LRP1B: variants seen among roughly 807,000 people sequenced by gnomAD.
LRP1B encodes the protein LDL receptor related protein 1B.
Under a neutral mutation model 556.6 loss-of-function variants are expected in LRP1B, and 217 were observed. The ratio of observed to expected loss-of-function variants is 0.39; its 90% CI spans 0.35 to 0.44. The LOEUF is 0.44. Among genes scored for constraint, LRP1B ranks in the 20% least tolerant of loss-of-function variants. LRP1B has a pLI of 1.00. For synonymous variants in LRP1B, 2,047 were observed against 1,865.8 expected, an observed-to-expected ratio of 1.10 and a Z score of -2.50; for missense variants, 5,053 against 5,620.8, an observed-to-expected ratio of 0.90 and a Z score of 3.23.
At chr2:141,544,829 C>G (rs557944019) in intron 2 of LRP1B, among the ~76,000 whole-genome samples, 1 of 151,950 alleles carries the variant, frequency 6.6e-6, no homozygotes, top group South Asian at 2.1e-4. Context: ...CCACTCCCAG[C>G]TAATTTTTGT....
chr2:141,745,111 C>G (rs1417575003), intron 2 of LRP1B, among the ~76,000 whole-genome samples: 1 of 152,132 alleles, frequency 6.6e-6, no homozygotes, highest in East Asian at 1.9e-4. Flanking sequence ...CTGTGACCAC[C>G]ACTAATGAGA....
intron 2 of LRP1B, among the ~76,000 whole-genome samples, chr2:141,681,356 T>A (rs355555): frequency 0.42 from 60,557 of 144,128 alleles, 12,809 homozygotes; most frequent in East Asian, 0.57. Context: ...AAAAAAAAAA[T>A]TCAAGGTAAG....
chr2:141,583,179 T>C (rs1007029715), intron 2 of LRP1B, among the ~76,000 whole-genome samples: 22 of 152,114 alleles, frequency 1.4e-4, no homozygotes, highest in Non-Finnish European at 4.4e-5. Context: ...GAACTTCTAA[T>C]GTCAAACAGT....
chr2:141,956,791 A>C (rs1701266496), intron 1 of LRP1B, among the ~76,000 whole-genome samples: 3 of 152,092 alleles, frequency 2.0e-5, no homozygotes, highest in Admixed American at 1.3e-4. Flanking sequence ...AATATTGTCC[A>C]AAGAATGAGT....
At chr2:141,447,065 G>T (rs1206073664) in intron 3 of LRP1B, among the ~76,000 whole-genome samples, 1 of 151,770 alleles carries the variant, frequency 6.6e-6, no homozygotes, top group East Asian at 1.9e-4. Context: ...ATGTAGGTTT[G>T]GTCTTTTCAC....
intron 2 of LRP1B, among the ~76,000 whole-genome samples, chr2:141,495,116 T>C (rs1054864774): frequency 6.6e-6 from 1 of 151,982 alleles, no homozygotes; most frequent in Non-Finnish European, 1.5e-5. Context: ...GGTAGAAACA[T>C]AAATGAAACT....
chr2:140,702,598 G>C (rs1360278631), intron 37 of LRP1B, 45 bp from the exon 38 acceptor site: 1 of 1,581,342 alleles, frequency 6.3e-7, no homozygotes, highest in Non-Finnish European at 8.7e-7. Flanking sequence ...ACATTTATTT[G>C]TAGTATGCAG....
intron 1 of LRP1B, among the ~76,000 whole-genome samples, chr2:142,054,161 T>C (rs1704572798): frequency 6.6e-6 from 1 of 152,130 alleles, no homozygotes; most frequent in Non-Finnish European, 1.5e-5. Flanking sequence ...AACAATATTA[T>C]TTTCACAAGA....
rs753869074 is a variant in LRP1B, at chr2:140,364,718, C to A, written c.11074G>T (p.Val3692Leu). 3.7e-6 allele frequency: 6 copies of A among 1,610,244 alleles called. No homozygotes were observed. The highest frequency in any genetic ancestry group is 5.1e-6 in the Non-Finnish European group (6 of 1,177,424). ...NNSLCKLHFW[V>L]CDGEDDCGDN... ...CCACAGTCGTCCTCTCCATCACACACCCAGAAATGTAGTTTGCAGAGAGAA... is the reference window on the plus strand; with the variant it reads ...CCACAGTCGTCCTCTCCATCACACAACCAGAAATGTAGTTTGCAGAGAGAA... Residue 3692 changes from valine (V) to leucine (L), a missense_variant, in exon 72 of 91, where the codon GTG becomes TTG. By Grantham distance (32) the Val-to-Leu change is conservative (BLOSUM62 1). Around this residue, in one of 5 missense-constraint regions of LRP1B, gnomAD observed 599 missense variants for 648.4 expected, o/e 0.92. Coordinates refer to ENST00000389484, the MANE Select transcript of LRP1B (RefSeq NM_018557.3).
intron 2 of LRP1B, among the ~76,000 whole-genome samples, chr2:141,594,487 T>C (rs1055992591): frequency 1.3e-5 from 2 of 152,156 alleles, no homozygotes; most frequent in Non-Finnish European, 2.9e-5. Flanking sequence ...GATTTCTCAT[T>C]CACTAATCTA....
At chr2:141,369,568 AT>A (rs1378152154) in intron 3 of LRP1B, among the ~76,000 whole-genome samples, 1 of 152,210 alleles carries the variant, frequency 6.6e-6, no homozygotes, top group Non-Finnish European at 1.5e-5. Flanking sequence ...TTTATAAAAT[AT>A]TAGATTTCCA....
chr2:140,484,946 T>C lies in LRP1B; in HGVS notation c.9425+397A>G, dbSNP rs1688404903. On this transcript the variant is annotated intron_variant, in intron 59 of 90. Coordinates refer to ENST00000389484, the MANE Select transcript of LRP1B (RefSeq NM_018557.3). The stretch of plus-strand genomic sequence containing the variant: ...ACTGCTTATGTCTCCTGGTATGAAG[T>C]GGTGCAGGGATTACTTTGTCCATAT... Among the ~76,000 whole-genome samples the C allele has an allele frequency of 2.0e-5, 3 of 152,148 alleles. 1 individual carries two copies. In the South Asian group the frequency reaches 6.2e-4, roughly 32 times the overall value.
intron 77 of LRP1B, among the ~76,000 whole-genome samples, chr2:140,348,609 AAC>A (rs889906165): frequency 1.5e-4 from 23 of 152,248 alleles, no homozygotes; most frequent in African/African-American, 5.5e-4. Context: ...TGGATGATAT[AAC>A]ACAAGTTATT....
chr2:140,283,016 T>C (rs1023026512), intron 84 of LRP1B, among the ~76,000 whole-genome samples: 1 of 151,960 alleles, frequency 6.6e-6, no homozygotes, highest in Non-Finnish European at 1.5e-5. Flanking sequence ...TGAAAGGTTT[T>C]CTGGAAAAGT....
At chr2:141,179,962 A>G (rs536598361) in intron 7 of LRP1B, among the ~76,000 whole-genome samples, 1 of 142,084 alleles carries the variant, frequency 7.0e-6, no homozygotes, top group African/African-American at 2.6e-5. Flanking sequence ...TATGTTATAT[A>G]TTACAGAGTG....
intron 3 of LRP1B, among the ~76,000 whole-genome samples, chr2:141,305,774 G>C (rs1158319304): frequency 6.6e-6 from 1 of 152,122 alleles, no homozygotes; most frequent in Non-Finnish European, 1.5e-5. Context: ...TCTATGCCTA[G>C]CTTGTTGAGA....
At chr2:141,883,552 T>C (rs1223507910) in intron 1 of LRP1B, among the ~76,000 whole-genome samples, 1 of 152,134 alleles carries the variant, frequency 6.6e-6, no homozygotes, top group Non-Finnish European at 1.5e-5. Context: ...AGACCCTGTC[T>C]CTACAGAAAA....
intron 21 of LRP1B, among the ~76,000 whole-genome samples, chr2:140,912,084 T>C (rs1488832212): frequency 6.6e-6 from 1 of 151,702 alleles, no homozygotes; most frequent in Admixed American, 6.6e-5. Flanking sequence ...TTCCTATTGA[T>C]TTTTTAGGGG....
At chr2:140,492,901 A>G (rs868330428) in intron 56 of LRP1B, among the ~76,000 whole-genome samples, 1 of 152,166 alleles carries the variant, frequency 6.6e-6, no homozygotes, top group Non-Finnish European at 1.5e-5. Context: ...AATTTAGAAA[A>G]TTCTAAGTGC....
Sources: gnomAD v4.1 joint callset for allele counts (sites outside exome capture counted in the v4.1 genomes callset) on GRCh38, gnomAD v4.1.1 for gene constraint, gnomAD v4.1.1 regional missense constraint, MANE v1.5 for transcripts, NCBI Gene and HGNC (gene_info 2026-07-23, HGNC 2026-07-21) for gene names.